NMT2: variants seen among roughly 807,000 people sequenced by gnomAD.
NMT2 encodes glycylpeptide N-tetradecanoyltransferase 2.
Under a neutral mutation model 65.4 loss-of-function variants are expected in NMT2, and 35 were observed. The ratio of observed to expected loss-of-function variants is 0.54; its 90% CI spans 0.41 to 0.71. The LOEUF is 0.71. Ranked by LOEUF, NMT2 falls within the 30% of genes least tolerant of loss-of-function variation. NMT2 has a pLI of 0.00. For synonymous variants in NMT2, 226 were observed against 231.8 expected (o/e 0.98, Z 0.23); for missense variants, 489 against 611.3 (o/e 0.80, Z 2.11).
intron 1 of NMT2, among the ~76,000 whole-genome samples, chr10:15,156,779 C>T (rs1456176051): frequency 6.6e-6 from 1 of 151,980 alleles, no homozygotes; most frequent in Non-Finnish European, 1.5e-5. Flanking sequence ...GCCTGTAATC[C>T]CAGCTACTCA....
chr10:15,129,841 G>A lies in NMT2; in HGVS notation c.890+301C>T, dbSNP rs138594151. 6.9e-3 allele frequency among the ~76,000 whole-genome samples: 1,026 copies of A among 148,656 alleles called. 11 individuals are homozygous for A. Among genetic ancestry groups the A allele is most frequent in the African/African-American group, 0.022 (863 of 39,928 alleles). On this transcript the variant is annotated intron_variant, in intron 7 of 11. Transcript: ENST00000378165. Reference sequence around the variant, plus strand: ...GGAGAATCACTTGAACCCAGGAGGCGAGTTTGCGGTGAGCCAATATCACGC... The same window carrying A: ...GGAGAATCACTTGAACCCAGGAGGCAAGTTTGCGGTGAGCCAATATCACGC...
chr10:15,130,574 C>T (rs1202317352), intron 6 of NMT2, among the ~76,000 whole-genome samples: 3 of 151,638 alleles, frequency 2.0e-5, no homozygotes, highest in Admixed American at 1.3e-4. Context: ...CATGTTGCCG[C>T]ATGCATGTGG....
intron 1 of NMT2, among the ~76,000 whole-genome samples, chr10:15,158,037 G>T (rs1588458327): frequency 6.6e-6 from 1 of 152,246 alleles, no homozygotes; most frequent in East Asian, 1.9e-4. Flanking sequence ...ATATAAGGCT[G>T]GGCACGGTGG....
chr10:15,141,964 A>G (rs1173392125), intron 1 of NMT2, among the ~76,000 whole-genome samples: 1 of 152,238 alleles, frequency 6.6e-6, no homozygotes, highest in Admixed American at 6.5e-5. Flanking sequence ...TTGAAGCAAC[A>G]GAACTAAACA....
intron 8 of NMT2, among the ~76,000 whole-genome samples, chr10:15,122,502 C>T (rs1360740453): frequency 6.6e-6 from 1 of 152,082 alleles, no homozygotes; most frequent in African/African-American, 2.4e-5. Context: ...ACTGCAACCT[C>T]TGCTTCCCGG....
chr10:15,118,411 C>T (rs539555818), intron 9 of NMT2, among the ~76,000 whole-genome samples: 98 of 152,126 alleles, frequency 6.4e-4, no homozygotes, highest in South Asian at 2.3e-3. Flanking sequence ...TGGTGGCGCA[C>T]GCCTGTAATC....
rs543067021 is a variant in NMT2, at chr10:15,132,275, C to T, written c.719+542G>A. 9.4e-5 allele frequency among the ~76,000 whole-genome samples: 14 copies of T among 149,402 alleles called. No individual in the cohort carries two copies. In the East Asian group the frequency reaches 1.7e-3, roughly 19 times the overall value. ...TTGTCCTTTATTTTTATTCACAGTC[C>T]GTTTTTTTTTCTTTACTACTTAATA... is the stretch of plus-strand genomic sequence containing the variant. On this transcript the variant is annotated intron_variant, in intron 6 of 11. Transcript: ENST00000378165.
At chr10:15,115,891 CTAATA>C (rs1405550718) in intron 9 of NMT2, among the ~76,000 whole-genome samples, 2 of 152,220 alleles carry the variant, frequency 1.3e-5, no homozygotes, top group African/African-American at 4.8e-5. Flanking sequence ...CACAAAGACC[CTAATA>C]TACATGTGAG....
At chr10:15,158,042 C>T (rs565315943) in intron 1 of NMT2, among the ~76,000 whole-genome samples, 4 of 152,076 alleles carry the variant, frequency 2.6e-5, no homozygotes, top group South Asian at 2.1e-4. Flanking sequence ...AGGCTGGGCA[C>T]GGTGGCTCAC....
chr10:15,167,801 A>G (rs577705843), intron 1 of NMT2, among the ~76,000 whole-genome samples: 2 of 152,322 alleles, frequency 1.3e-5, no homozygotes, highest in Admixed American at 1.3e-4. Context: ...TTTGGAGATC[A>G]AATACCAGCT....
chr10:15,126,426 CT>C (rs1482163052), intron 8 of NMT2, among the ~76,000 whole-genome samples: 10 of 127,108 alleles, frequency 7.9e-5, no homozygotes, highest in Admixed American at 4.8e-4. Context: ...GAGCCTCCAT[CT>C]TAAAAAAAAA....
intron 1 of NMT2, among the ~76,000 whole-genome samples, chr10:15,158,720 C>T (rs776599300): frequency 2.6e-4 from 40 of 152,118 alleles, no homozygotes; most frequent in Non-Finnish European, 5.6e-4. Flanking sequence ...TTACAGAATA[C>T]GATAGACTGA....
At chr10:15,109,563 T>A in intron 11 of NMT2, 139 bp downstream of exon 11, 1 of 701,058 alleles carries the variant, frequency 1.4e-6, no homozygotes, top group East Asian at 3.3e-5. Flanking sequence ...AGAGCGAGAC[T>A]TCATCTCAAA....
chr10:15,156,227 C>T (rs117146548), intron 1 of NMT2, among the ~76,000 whole-genome samples: 2,206 of 152,118 alleles, frequency 0.015, 23 homozygotes, highest in Non-Finnish European at 0.023. Context: ...GGGCGGTTAC[C>T]CTCATGCTGT....
At chr10:15,147,149 A>C in intron 1 of NMT2, among the ~76,000 whole-genome samples, 1 of 141,236 alleles carries the variant, frequency 7.1e-6, no homozygotes, top group Non-Finnish European at 1.5e-5. Context: ...ACATCAAAGG[A>C]GCTCAATTTT....
At chr10:15,116,268 T>C (rs7894142) in intron 9 of NMT2, among the ~76,000 whole-genome samples, 31,462 of 152,022 alleles carry the variant, frequency 0.21, 3,585 homozygotes, top group African/African-American at 0.31. Context: ...AAATCTGTAA[T>C]AGGGAGACAA....
chr10:15,161,081 C>CAAAAAAAAA (rs750859200), intron 1 of NMT2, among the ~76,000 whole-genome samples: 762 of 19,254 alleles, frequency 0.04, 24 homozygotes, highest in Non-Finnish European at 0.047. Context: ...CCTCAAAAAT[C>CAAAAAAAAA]AAAAAAAAAA....
chr10:15,109,085 C>G lies in NMT2; in HGVS notation c.*110G>C, dbSNP rs1482799462. 1.3e-6 allele frequency: 2 copies of G among 1,546,130 alleles called. No homozygotes were observed. The highest frequency in any genetic ancestry group is 2.8e-5 in the African/African-American group (2 of 71,330). On this transcript the variant is annotated 3_prime_UTR_variant, in exon 12 of 12. Coordinates refer to ENST00000378165, the MANE Select transcript of NMT2 (RefSeq NM_004808.3). ...TGTCATCTTTTCTGATTATCGACTA[C>G]TTCAATTTCACTTGAGTTGTGCTTT...
intron 9 of NMT2, among the ~76,000 whole-genome samples, chr10:15,115,335 T>C (rs538439043): frequency 2.0e-4 from 30 of 152,224 alleles, no homozygotes; most frequent in African/African-American, 7.0e-4. Context: ...ATGAAAAAGG[T>C]AAAGTGACCT....
Sources: gnomAD v4.1 joint callset for allele counts (sites outside exome capture counted in the v4.1 genomes callset) on GRCh38, gnomAD v4.1.1 for gene constraint, MANE v1.5 for transcripts, NCBI Gene and HGNC (gene_info 2026-07-23, HGNC 2026-07-21) for gene names.